The following NHSL2 variants were observed in gnomAD, a reference collection of about 807,000 sequenced individuals.
The protein encoded by NHSL2 is NHS-like protein 2.
NHSL2 carries 27 observed loss-of-function variants against 53.4 expected under a neutral mutation model. That is an observed-to-expected ratio of 0.51 (90% CI 0.37 to 0.70). NHSL2 has a LOEUF of 0.70. Among genes scored for constraint, NHSL2 ranks in the 30% least tolerant of loss-of-function variants. The pLI, the probability that NHSL2 is intolerant of heterozygous loss-of-function variation, is 0.00. For missense variants in NHSL2, 892 were observed against 980.1 expected, an observed-to-expected ratio of 0.91 and a Z score of 1.20; for synonymous variants, 408 against 404.1, an observed-to-expected ratio of 1.01 and a Z score of -0.12.
At chrX:72,090,636 T>A (rs1237812538) in intron 1 of NHSL2, among the ~76,000 whole-genome samples, 1 of 111,411 alleles carries the variant, frequency 9.0e-6, no homozygotes, top group African/African-American at 3.3e-5. Context: ...AAAGACTATT[T>A]CATGAAAAAA....
At chrX:71,920,161 C>T (rs780378532) in intron 1 of NHSL2, among the ~76,000 whole-genome samples, 2 of 112,253 alleles carry the variant, frequency 1.8e-5, no homozygotes, top group South Asian at 7.4e-4. Flanking sequence ...GACATAGGCA[C>T]ACCTCAGCAG....
At chrX:72,080,586 G>C (rs1001648535) in intron 1 of NHSL2, among the ~76,000 whole-genome samples, 57 of 109,662 alleles carry the variant, frequency 5.2e-4, no homozygotes, top group African/African-American at 1.9e-3. Flanking sequence ...GTGTGTGTGT[G>C]TGTGTGTGTG....
intron 1 of NHSL2, among the ~76,000 whole-genome samples, chrX:72,024,971 G>C (rs192689314): frequency 6.2e-4 from 69 of 112,035 alleles, no homozygotes; most frequent in Non-Finnish European, 1.1e-3. Flanking sequence ...CCTATGTTGT[G>C]CAATAGGACA....
At chrX:72,121,813 A>T (rs953482661) in intron 1 of NHSL2, among the ~76,000 whole-genome samples, 1 of 112,172 alleles carries the variant, frequency 8.9e-6, no homozygotes, top group Non-Finnish European at 1.9e-5. Context: ...CATGAACCTC[A>T]AACAACAATT....
At chrX:72,051,269 TTTACCA>T (rs1363527883) in intron 1 of NHSL2, among the ~76,000 whole-genome samples, 2 of 112,277 alleles carry the variant, frequency 1.8e-5, no homozygotes, top group African/African-American at 6.5e-5. Context: ...ATTTCTATTT[TTTACCA>T]TTACCAACTA....
chrX:72,020,793 G>A (rs772640933), intron 1 of NHSL2, among the ~76,000 whole-genome samples: 3 of 112,733 alleles, frequency 2.7e-5, no homozygotes, highest in Non-Finnish European at 5.6e-5. Flanking sequence ...ATGGACCAGT[G>A]ACATAGAAAA....
intron 1 of NHSL2, among the ~76,000 whole-genome samples, chrX:72,109,069 G>A (rs1281817067): frequency 9.0e-6 from 1 of 110,928 alleles, no homozygotes; most frequent in Non-Finnish European, 1.9e-5. Flanking sequence ...TTTTCTCTTT[G>A]TGCGGCTGGT....
chrX:71,975,334 C>T (rs2041943545), intron 1 of NHSL2, among the ~76,000 whole-genome samples: 1 of 111,473 alleles, frequency 9.0e-6, no homozygotes, highest in African/African-American at 3.3e-5. Context: ...GGAGCACAAC[C>T]TCTCTCCTCC....
intron 1 of NHSL2, among the ~76,000 whole-genome samples, chrX:72,101,200 G>A (rs994053554): frequency 1.3e-4 from 14 of 111,017 alleles, no homozygotes; most frequent in African/African-American, 4.6e-4. Context: ...CTCCTGGGCG[G>A]CAGTGGTGAC....
intron 1 of NHSL2, among the ~76,000 whole-genome samples, chrX:72,104,788 C>G (rs980031475): frequency 4.5e-5 from 5 of 111,114 alleles, no homozygotes; most frequent in African/African-American, 1.6e-4. Context: ...GCTGTGGCAA[C>G]AGGAAAGAGT....
chrX:71,936,709 G>A (rs994486853), intron 1 of NHSL2, among the ~76,000 whole-genome samples: 1 of 112,307 alleles, frequency 8.9e-6, no homozygotes, highest in Admixed American at 9.4e-5. Flanking sequence ...GAAGGTGTCT[G>A]CTGTGGTGAG....
intron 1 of NHSL2, among the ~76,000 whole-genome samples, chrX:72,034,044 T>G (rs2042229072): frequency 8.9e-6 from 1 of 112,086 alleles, no homozygotes; most frequent in Non-Finnish European, 1.9e-5. Context: ...TTTTGTTTTG[T>G]TTTGTTCTTT....
intron 1 of NHSL2, among the ~76,000 whole-genome samples, chrX:71,946,825 A>G (rs1280051843): frequency 1.8e-5 from 2 of 112,139 alleles, no homozygotes; most frequent in Non-Finnish European, 3.8e-5. Context: ...CTTGCTGGCT[A>G]TGTGAACTTG....
At chrX:71,921,194 G>A (rs1388767664) in intron 1 of NHSL2, among the ~76,000 whole-genome samples, 2 of 109,308 alleles carry the variant, frequency 1.8e-5, no homozygotes, top group East Asian at 2.9e-4. Flanking sequence ...GAGGCTGGTG[G>A]ATCATCTGAA....
At position 72,033,183 on chromosome X, in the gene NHSL2, C is replaced by CTT. The variant is rs771573442; in HGVS notation, c.281-98877_281-98876dup. ...TATAAATCAATTTGGGAAGAATTGA[C>CTT]TTTTTTTTTTTTTTTTTTTTGGGAG... On this transcript the variant is annotated intron_variant, in intron 1 of 7. Coordinates refer to ENST00000633930, the MANE Select transcript of NHSL2 (RefSeq NM_001013627.3). Among the ~76,000 whole-genome samples the CTT allele has an allele frequency of 5.9e-3, 463 of 78,927 alleles. 10 individuals carry two copies. Among genetic ancestry groups the CTT allele is most frequent in the African/African-American group, 0.02 (402 of 19,825 alleles). The allele number at this position is 78,927 out of a possible 115,157, so 68.5% of individuals were successfully genotyped here. A position where few individuals can be genotyped will look rare whatever the true frequency, so the allele number is the denominator to read the frequency against.
intron 1 of NHSL2, among the ~76,000 whole-genome samples, chrX:71,966,976 T>C (rs191554059): frequency 1.8e-5 from 2 of 112,507 alleles, no homozygotes; most frequent in South Asian, 3.6e-4. Context: ...TTAATAGATA[T>C]ATGACTATTC....
At chrX:71,924,511 G>T (rs888321241) in intron 1 of NHSL2, among the ~76,000 whole-genome samples, 1 of 111,459 alleles carries the variant, frequency 9.0e-6, no homozygotes, top group Non-Finnish European at 1.9e-5. Context: ...CTCTTCTTTA[G>T]AACTTGAAAG....
At chrX:72,044,149 G>A (rs369927654) in intron 1 of NHSL2, among the ~76,000 whole-genome samples, 28 of 112,025 alleles carry the variant, frequency 2.5e-4, no homozygotes, top group African/African-American at 8.8e-4. Context: ...CAGCAGACTA[G>A]AACCCAAGGC....
chrX:72,071,765 C>A, intron 1 of NHSL2, among the ~76,000 whole-genome samples: 1 of 112,201 alleles, frequency 8.9e-6, no homozygotes, highest in Non-Finnish European at 1.9e-5. Flanking sequence ...TTTCCAGTAA[C>A]CCAAACTAGC....
Sources: allele counts gnomAD v4.1 joint callset (sites outside exome capture counted in the v4.1 genomes callset), GRCh38; gene constraint gnomAD v4.1.1; transcripts MANE v1.5; gene names NCBI Gene and HGNC (gene_info 2026-07-23, HGNC 2026-07-21).